Variants in MIDEAS observed in about 807,000 individuals in gnomAD.
The protein encoded by MIDEAS is mitotic deacetylase associated SANT domain protein.
MIDEAS carries 26 observed loss-of-function variants against 102.7 expected under a neutral mutation model. The ratio of observed to expected loss-of-function variants is 0.25; its 90% CI spans 0.19 to 0.35. The LOEUF is 0.35. Among genes scored for constraint, MIDEAS ranks in the 10% least tolerant of loss-of-function variants. The pLI is 1.00. For missense variants in MIDEAS, 1,231 were observed against 1,435.6 expected (o/e 0.86, Z 2.30); for synonymous variants, 585 against 591.0 (o/e 0.99, Z 0.15).
upstream of MIDEAS, among the ~76,000 whole-genome samples, chr14:73,764,065 C>T (rs1176199700): frequency 6.6e-6 from 1 of 152,158 alleles, no homozygotes; most frequent in African/African-American, 2.4e-5. Flanking sequence ...CCAGCCCCAG[C>T]GTCATGGCTC....
intron 1 of MIDEAS, among the ~76,000 whole-genome samples, chr14:73,745,858 A>G (rs566548411): frequency 6.6e-6 from 1 of 152,258 alleles, no homozygotes; most frequent in African/African-American, 2.4e-5. Context: ...CCCTGGGAGC[A>G]TGAGAGAGCA....
rs80120700 is a variant in MIDEAS at position 73,725,171 on chromosome 14, C to T, written c.2574+101G>A. On this transcript the variant is annotated intron_variant, in intron 9 of 12. Coordinates refer to ENST00000423556, the MANE Select transcript of MIDEAS (RefSeq NM_001367710.1). The surrounding 1 kb of genome is among the most constrained non-coding windows in gnomAD (Gnocchi z 4.1). ...TCTGAGGCTACTCAGTAGCATTGAC[C>T]TGACTGCTTTTTAAGAGGGATTGGT... 2,884 of 868,658 alleles carry T rather than the reference C, an allele frequency of 3.3e-3. 47 individuals are homozygous for T. The African/African-American group carries it at 0.042, about 13-fold the overall frequency. The allele number at this position is 868,658 out of a possible 1,614,324, so 53.8% of individuals were successfully genotyped here.
At chr14:73,730,477 T>C (rs1165121940) in intron 3 of MIDEAS, among the ~76,000 whole-genome samples, 1 of 152,226 alleles carries the variant, frequency 6.6e-6, no homozygotes, top group African/African-American at 2.4e-5. Flanking sequence ...CTTCATAACA[T>C]GGTGCCTACC....
At chr14:73,727,395 C>T (rs2053076592) in intron 5 of MIDEAS, 63 bp downstream of exon 5, 2 of 1,568,572 alleles carry the variant, frequency 1.3e-6, no homozygotes, top group Non-Finnish European at 1.8e-6. Flanking sequence ...CCAGGGCCCA[C>T]CTGCACACAC....
chr14:73,786,787 G>C (rs1012988355), intron 1 of MIDEAS, among the ~76,000 whole-genome samples: 1 of 152,224 alleles, frequency 6.6e-6, no homozygotes, highest in Non-Finnish European at 1.5e-5. Context: ...GGCGCTGGGC[G>C]GAGGGCTGGC....
intron 1 of MIDEAS, among the ~76,000 whole-genome samples, chr14:73,758,097 C>T (rs1193419875): frequency 6.6e-6 from 1 of 152,180 alleles, no homozygotes; most frequent in Non-Finnish European, 1.5e-5. Context: ...ACCAGAGTAA[C>T]CAGCCAGAGG....
chr14:73,784,161 G>A (rs1018024798), intron 1 of MIDEAS, among the ~76,000 whole-genome samples: 2 of 152,328 alleles, frequency 1.3e-5, no homozygotes, highest in South Asian at 2.1e-4. Flanking sequence ...TTGAATCAGC[G>A]CTTTTTCACT....
chr14:73,736,322 C>A (rs2053199001), intron 3 of MIDEAS, among the ~76,000 whole-genome samples: 1 of 151,704 alleles, frequency 6.6e-6, no homozygotes. Context: ...AAAAAGTAGG[C>A]AAAACCTCAA....
chr14:73,726,664 A>G lies in MIDEAS; in HGVS notation c.2349T>C (p.Gly783=), dbSNP rs1035163604. 1.2e-6 allele frequency: 2 copies of G among 1,614,230 alleles called. No homozygotes were observed. The highest frequency in any genetic ancestry group is 4.5e-5 in the East Asian group (2 of 44,888). The change falls in exon 7 of 13, where the codon GGT becomes GGC. Residue 783 remains glycine (G), a synonymous_variant. Transcript: ENST00000423556. ...GGGCCAGCTCCTGGTTGGTGCCAGCACCAGGGAAAATGCTGGAGCAGGCGG... is the reference window on the plus strand; with the variant it reads ...GGGCCAGCTCCTGGTTGGTGCCAGCGCCAGGGAAAATGCTGGAGCAGGCGG... ...LTAACSSIFP[G]AGTNQELALH...
rs1305156087 is a variant in MIDEAS at position 73,722,713 on chromosome 14, A to C, written c.2709T>G (p.Val903=). 6.2e-7 allele frequency: 1 copy of C among 1,613,974 alleles called. No homozygotes were observed. Among genetic ancestry groups the C allele is most frequent in the East Asian group, 2.2e-5 (1 of 44,876 alleles). Residue 903 remains valine (V), a synonymous_variant, in exon 10 of 13, where the codon GTT becomes GTG. Transcript: ENST00000423556. ...AAGGAGTCACCTTAATATCCACTTC[A>C]ACCTCTTCCTGGGCCGACTTCTCAT... ...TSDEKSAQEE[V]EVDIKTSQKF... is the part of the protein sequence containing the mutation.
rs769463597 is a variant in MIDEAS, at chr14:73,721,287, T to G, written c.2937+10A>C. On this transcript the variant is annotated intron_variant, in intron 11 of 12. Coordinates refer to ENST00000423556, the MANE Select transcript of MIDEAS (RefSeq NM_001367710.1). The stretch of plus-strand genomic sequence containing the variant: ...TTGCCCTGGGCTCAGCCCATGGTGG[T>G]CACACTCACCGACTCATTGGCCTGT... 2 of 1,611,096 alleles carry G rather than the reference T, an allele frequency of 1.2e-6. No homozygotes were observed. The highest frequency in any genetic ancestry group is 1.7e-6 in the Non-Finnish European group (2 of 1,179,804).
chr14:73,728,160 C>G (rs1002203842), intron 4 of MIDEAS: 2 of 151,480 alleles, frequency 1.3e-5, no homozygotes, highest in African/African-American at 2.4e-5. Context: ...CCTCCCTCAG[C>G]CTCCCAAGTA....
At chr14:73,780,387 C>A in intron 1 of MIDEAS, among the ~76,000 whole-genome samples, 1 of 152,196 alleles carries the variant, frequency 6.6e-6, no homozygotes, top group Non-Finnish European at 1.5e-5. Context: ...CATTTAGGAT[C>A]TGACTTCCCC....
At chr14:73,778,641 A>C (rs2053714681) in intron 1 of MIDEAS, among the ~76,000 whole-genome samples, 2 of 151,904 alleles carry the variant, frequency 1.3e-5, no homozygotes, top group Non-Finnish European at 2.9e-5. Flanking sequence ...ATTCCTTGCA[A>C]GCTTCTTATA....
intron 3 of MIDEAS, among the ~76,000 whole-genome samples, chr14:73,732,864 G>T (rs1201071694): frequency 6.6e-6 from 1 of 151,296 alleles, no homozygotes; most frequent in Non-Finnish European, 1.5e-5. Context: ...GCTGAGGCAG[G>T]TGGATCGCCT....
intron 4 of MIDEAS, 139 bp from the exon 5 acceptor site, chr14:73,727,663 T>C (rs2053082779): frequency 1.3e-5 from 10 of 773,190 alleles, no homozygotes; most frequent in East Asian, 6.1e-5. Context: ...ACCTGAGTCC[T>C]GGCTCTGCAG....
rs760013785 is a variant in MIDEAS at position 73,737,233 on chromosome 14, T to C, written c.1514A>G (p.Glu505Gly). The part of the protein sequence containing the change: ...VLASTTKCGV[E>G]FSEPSLATKR... Reference sequence around the variant, plus strand: ...GGTGGCTAAGGAAGGCTCAGAAAACTCCACCCCACACTTGGTAGTTGAGGC... The same window carrying C: ...GGTGGCTAAGGAAGGCTCAGAAAACCCCACCCCACACTTGGTAGTTGAGGC... Residue 505 changes from glutamate to glycine, a missense_variant, in exon 3 of 13, where the codon GAG (glutamate) becomes GGG (glycine). This residue lies in a region of MIDEAS where 758 missense variants were observed against 856.0 expected (regional missense o/e 0.89). Transcript: ENST00000423556. The C allele has an allele frequency of 1.2e-6, 2 of 1,614,098 alleles. No homozygotes were observed. Among genetic ancestry groups the C allele is most frequent in the East Asian group, 4.5e-5 (2 of 44,874 alleles).
Position 73,726,881 on chromosome 14 carries a change from C to T in MIDEAS, c.2254G>A (p.Val752Met). The T allele has an allele frequency of 1.9e-6, 3 of 1,613,740 alleles. No individual in the cohort carries two copies. The highest frequency in any genetic ancestry group is 2.5e-6 in the Non-Finnish European group (3 of 1,179,716). ...AAADPHKADL[V>M]WQPWEDLESS... The stretch of plus-strand genomic sequence containing the variant: ...TCTAGGTCCTCCCATGGCTGCCACA[C>T]CAAGTCAGCCTTGTGGGGATCTGCA... Residue 752 changes from valine to methionine, a missense_variant, in exon 6 of 13, where the codon GTG (valine) becomes ATG (methionine). Physicochemically the swap from Val to Met is conservative, Grantham distance 21. Around this residue, in one of 5 missense-constraint regions of MIDEAS, gnomAD observed 391 missense variants for 483.0 expected, o/e 0.81. Transcript: ENST00000423556.
chr14:73,722,129 G>C (rs1036975055), intron 10 of MIDEAS, among the ~76,000 whole-genome samples: 1 of 152,216 alleles, frequency 6.6e-6, no homozygotes, highest in Non-Finnish European at 1.5e-5. Flanking sequence ...TCAGCCCTCA[G>C]TCTCAGCCTT....
Sources: allele counts gnomAD v4.1 joint callset (sites outside exome capture counted in the v4.1 genomes callset), GRCh38; gene constraint gnomAD v4.1.1; regional missense constraint gnomAD v4.1.1; non-coding constraint Gnocchi (gnomAD v3.1); transcripts MANE v1.5; gene names NCBI Gene and HGNC (gene_info 2026-07-23, HGNC 2026-07-21).